Variants in M6PR observed in about 807,000 individuals in gnomAD.
M6PR encodes the protein cation-dependent mannose-6-phosphate receptor.
A neutral mutation model predicts 33.1 loss-of-function variants in M6PR; 19 were observed. That is an observed-to-expected ratio of 0.57 (90% CI 0.40 to 0.84). The LOEUF is 0.84. Among genes scored for constraint, M6PR ranks in the 40% least tolerant of loss-of-function variants. The pLI is 0.00. For missense variants in M6PR, 295 were observed against 336.0 expected (o/e 0.88, Z 0.95); for synonymous variants, 111 against 123.4 (o/e 0.90, Z 0.67).
At chr12:8,942,308 C>T (rs1946026244) in intron 6 of M6PR, 108 bp downstream of exon 6, 3 of 1,500,374 alleles carry the variant, frequency 2.0e-6, no homozygotes, top group Non-Finnish European at 2.7e-6. Flanking sequence ...GGTTTTAGCA[C>T]TCAATGTCCT....
At position 8,941,692 on chromosome 12, in the gene M6PR, C is replaced by T; in HGVS notation, c.*126G>A. ...CTAGTGAGAAGATGCAAATCAAAAG[C>T]AAACTGGAAAGCAAGAGCAATAGTA... On this transcript the variant is annotated 3_prime_UTR_variant, in exon 7 of 7. Transcript: ENST00000000412. The T allele has an allele frequency of 8.0e-7, 1 of 1,246,944 alleles. No individual in the cohort carries two copies. The highest frequency in any genetic ancestry group is 1.4e-5 in the South Asian group (1 of 70,806). The allele number at this position is 1,246,944 out of a possible 1,614,324, so 77.2% of individuals were successfully genotyped here.
chr12:8,943,610 A>G, intron 4 of M6PR, 75 bp from the exon 5 acceptor site: 1 of 1,571,134 alleles, frequency 6.4e-7, no homozygotes, highest in South Asian at 1.1e-5. Flanking sequence ...AAAAACCCAA[A>G]AAACATCTGC....
intron 5 of M6PR, 105 bp from the exon 6 acceptor site, chr12:8,942,647 C>A: frequency 1.6e-6 from 2 of 1,255,708 alleles, no homozygotes; most frequent in South Asian, 1.5e-5. Flanking sequence ...GATACATTCC[C>A]TGAAAAGGAA....
Position 8,941,892 on chromosome 12 carries a change from C to A in M6PR, c.760G>T (p.Ala254Ser). 6.2e-7 allele frequency: 1 copy of A among 1,614,142 alleles called. No homozygotes were observed. Among genetic ancestry groups the A allele is most frequent in the Non-Finnish European group, 8.5e-7 (1 of 1,180,004 alleles). Residue 254 changes from alanine to serine, a missense_variant, in exon 7 of 7, where the codon GCA becomes TCA. Physicochemically the swap from Ala to Ser is moderately conservative, Grantham distance 99 (BLOSUM62 1). Coordinates refer to ENST00000000412, the MANE Select transcript of M6PR (RefSeq NM_002355.4). ...CRSKPRNVPAAYRGVGDDQLG... is the reference protein window; with the variant it reads ...CRSKPRNVPASYRGVGDDQLG... ...TGGTCATCCCCCACACCACGATATG[C>A]TGCAGGCACATTTCGAGGTTTAGAA...
chr12:8,945,918 T>C (rs1946087132), intron 2 of M6PR, among the ~76,000 whole-genome samples: 4 of 152,224 alleles, frequency 2.6e-5, no homozygotes, highest in Admixed American at 2.6e-4. Context: ...ACTTCAGATT[T>C]ATATATCTGA....
chr12:8,942,365 A>AC, intron 6 of M6PR, 51 bp downstream of exon 6: 2 of 1,613,496 alleles, frequency 1.2e-6, no homozygotes, highest in Non-Finnish European at 1.7e-6. Context: ...ATGGTTGGTC[A>AC]CCCAACCTTG....
In M6PR at chr12:8,941,593, T is replaced by C. The variant is rs1946009007; in HGVS notation, c.*225A>G. The C allele has an allele frequency of 3.9e-6, 2 of 518,852 alleles. No individual in the cohort carries two copies. The highest frequency in any genetic ancestry group is 2.8e-5 in the South Asian group (1 of 36,106). The allele number at this position is 518,852 out of a possible 1,614,324, so 32.1% of individuals were successfully genotyped here. ...GCCTCTGTTTTCACAGGCCCTATTA[T>C]ATTAACTCTGACTTACAACTGTACC... On this transcript the variant is annotated 3_prime_UTR_variant, in exon 7 of 7. Transcript: ENST00000000412.
rs1415741269 is a variant in M6PR at position 8,943,453 on chromosome 12, C to G, written c.536G>C (p.Cys179Ser). ...ACTGAGGTGGGAGATCTCTGGTGAACAGGCCAGGCTGCTATCCATCTCAAA... is the reference window on the plus strand; with the variant it reads ...ACTGAGGTGGGAGATCTCTGGTGAAGAGGCCAGGCTGCTATCCATCTCAAA... ...YLFEMDSSLA[C>S]SPEISHLSVG... Residue 179 changes from cysteine (C) to serine (S), a missense_variant, in exon 5 of 7, where the codon TGT becomes TCT. Coordinates refer to ENST00000000412, the MANE Select transcript of M6PR (RefSeq NM_002355.4). 1 of 1,614,192 alleles carries G rather than the reference C, an allele frequency of 6.2e-7. No individual in the cohort carries two copies. Among genetic ancestry groups the G allele is most frequent in the Admixed American group, 1.7e-5 (1 of 60,028 alleles).
intron 3 of M6PR, 113 bp from the exon 4 acceptor site, chr12:8,944,023 A>C: frequency 1.4e-6 from 1 of 724,700 alleles, no homozygotes; most frequent in Non-Finnish European, 2.5e-6. Flanking sequence ...ATAACTAAAC[A>C]ACCCTCATCA....
At chr12:8,941,972 C>T (rs778598000) in intron 6 of M6PR, 32 bp from the exon 7 acceptor site, 34 of 1,612,850 alleles carry the variant, frequency 2.1e-5, no homozygotes, top group African/African-American at 1.1e-4. Context: ...GGAAATAATT[C>T]GCAGCATCTA....
In M6PR at chr12:8,946,387, G is replaced by T. The variant is rs770231911; in HGVS notation, c.18C>A (p.Ser6Arg). The part of the protein sequence containing the change: MFPFY[S>R]CWRTGLLLLL... ...GTAGTAGCAGTCCAGTCCTCCAGCA[G>T]CTGTAGAAAGGGAACATCCTTTGGG... The change falls in exon 2 of 7, where the codon AGC becomes AGA. Residue 6 changes from serine to arginine, a missense_variant. Coordinates refer to ENST00000000412, the MANE Select transcript of M6PR (RefSeq NM_002355.4). The T allele has an allele frequency of 1.4e-5, 22 of 1,612,440 alleles. No individual in the cohort carries two copies. The highest frequency in any genetic ancestry group is 1.1e-5 in the Non-Finnish European group (13 of 1,179,484).
At position 8,943,841 on chromosome 12, in the gene M6PR, C is replaced by T. The variant is rs1460619288; in HGVS notation, c.413G>A (p.Arg138His). 16 of 1,613,322 alleles carry T rather than the reference C, an allele frequency of 9.9e-6. No individual in the cohort carries two copies. The highest frequency in any genetic ancestry group is 1.2e-5 in the Non-Finnish European group (14 of 1,180,048). The stretch of plus-strand genomic sequence containing the variant: ...ATTGCAGGAGATCATCACCACTGCA[C>T]GACGCTGCTCCTTGCCACAGTGGTT... ...YDNHCGKEQR[R>H]AVVMISCNRH... is the part of the protein sequence containing the mutation. Residue 138 changes from arginine to histidine, a missense_variant, in exon 4 of 7, where the codon CGT (arginine) becomes CAT (histidine). Transcript: ENST00000000412.
intron 2 of M6PR, among the ~76,000 whole-genome samples, chr12:8,945,945 T>C (rs1413900331): frequency 6.6e-6 from 1 of 152,204 alleles, no homozygotes; most frequent in Non-Finnish European, 1.5e-5. Flanking sequence ...CTGACACTTA[T>C]AATGACATGT....
chr12:8,945,632 G>C (rs779734158), intron 2 of M6PR, 48 bp from the exon 3 acceptor site: 1 of 1,517,572 alleles, frequency 6.6e-7, no homozygotes. Context: ...CTAGCTATCA[G>C]CCTCAGGAAT....
rs1311643718 is a variant in M6PR at position 8,943,511 on chromosome 12, C to T, written c.478G>A (p.Glu160Lys). The change falls in exon 5 of 7, where the codon GAG becomes AAG. Residue 160 changes from glutamate to lysine, a missense_variant. By Grantham distance (56) the Glu-to-Lys change is moderately conservative. Transcript: ENST00000000412. Reference protein sequence around the residue: ...LADNFNPVSEERGKVQDCFYL... With the variant: ...LADNFNPVSEKRGKVQDCFYL... ...AAACAATCTTGGACTTTGCCACGCT[C>T]CTCAGACACAGGGTTAAAATTGTCC... The T allele has an allele frequency of 2.5e-6, 4 of 1,614,192 alleles. No individual in the cohort carries two copies.
intron 3 of M6PR, 132 bp from the exon 4 acceptor site, chr12:8,944,042 T>C (rs1463284684): frequency 1.4e-5 from 9 of 660,792 alleles, no homozygotes; most frequent in South Asian, 6.6e-5. Context: ...CAGTACGAAC[T>C]TGGTATACCA....
rs1266010532 is a variant in M6PR, at chr12:8,941,888, T to TA, written c.763dup (p.Tyr255LeufsTer7). 1.2e-6 allele frequency: 2 copies of TA among 1,614,126 alleles called. No homozygotes were observed. The highest frequency in any genetic ancestry group is 1.7e-6 in the Non-Finnish European group (2 of 1,179,990). ...CAGCTGGTCATCCCCCACACCACGA[T>TA]ATGCTGCAGGCACATTTCGAGGTTT... On this transcript the variant is annotated frameshift_variant, in exon 7 of 7. Transcript: ENST00000000412. LOFTEE classifies it high-confidence loss of function.
intron 5 of M6PR, 92 bp downstream of exon 5, chr12:8,943,313 C>CAG (rs1946050489): frequency 6.3e-6 from 9 of 1,424,432 alleles, no homozygotes; most frequent in Admixed American, 1.9e-5. Flanking sequence ...ATAATGTACA[C>CAG]ATACAATTTG....
Position 8,941,798 on chromosome 12 carries a change from C to A in M6PR, c.*20G>T. 6.2e-7 allele frequency: 1 copy of A among 1,613,918 alleles called. No individual in the cohort carries two copies. Among genetic ancestry groups the A allele is most frequent in the Non-Finnish European group, 8.5e-7 (1 of 1,179,886 alleles). On this transcript the variant is annotated 3_prime_UTR_variant, in exon 7 of 7. Transcript: ENST00000000412. ...TTGGTTTGGGGGACTGAGGAAGAGG[C>A]TGGACATATAAAGTGCAATCTACAT...
Sources: gnomAD v4.1 joint callset for allele counts (sites outside exome capture counted in the v4.1 genomes callset) on GRCh38, gnomAD v4.1.1 for gene constraint, MANE v1.5 for transcripts, NCBI Gene and HGNC (gene_info 2026-07-23, HGNC 2026-07-21) for gene names.